Variants in NKAIN2 observed in about 807,000 individuals in gnomAD.
The protein encoded by NKAIN2 is sodium/potassium-transporting ATPase subunit beta-1-interacting protein 2.
NKAIN2 carries 14 observed loss-of-function variants against 32.6 expected under a neutral mutation model. The observed-to-expected ratio is 0.43, with a 90% CI of 0.28 to 0.67. The LOEUF is 0.67. Among genes scored for constraint, NKAIN2 ranks in the 30% least tolerant of loss-of-function variants. The pLI is 0.17. For missense variants in NKAIN2, 198 were observed against 258.3 expected, an observed-to-expected ratio of 0.77 and a Z score of 1.60; for synonymous variants, 80 against 87.2, an observed-to-expected ratio of 0.92 and a Z score of 0.46.
chr6:124,627,581 G>A (rs749711867), intron 3 of NKAIN2, among the ~76,000 whole-genome samples: 7 of 152,110 alleles, frequency 4.6e-5, no homozygotes, highest in Non-Finnish European at 1.0e-4. Flanking sequence ...TGTCTATGAA[G>A]TTGTCAACAG....
intron 1 of NKAIN2, among the ~76,000 whole-genome samples, chr6:123,971,204 C>T (rs1260020715): frequency 1.3e-5 from 2 of 151,968 alleles, no homozygotes; most frequent in Non-Finnish European, 2.9e-5. Context: ...TACTCAGGGC[C>T]AGGTGACAGT....
chr6:124,648,358 C>G (rs1268632736), intron 3 of NKAIN2, among the ~76,000 whole-genome samples: 1 of 152,144 alleles, frequency 6.6e-6, no homozygotes, highest in Non-Finnish European at 1.5e-5. Flanking sequence ...AAAGACATTC[C>G]TGAGTTGTAG....
intron 1 of NKAIN2, among the ~76,000 whole-genome samples, chr6:124,253,831 CTTTT>C (rs774924597): frequency 7.5e-6 from 1 of 134,140 alleles, no homozygotes; most frequent in Non-Finnish European, 1.6e-5. Flanking sequence ...CAATGTTCTA[CTTTT>C]TTTTTTTTTT....
In NKAIN2 at chr6:124,097,910, C is replaced by T. The variant is rs575275070; in HGVS notation, c.55-185095C>T. Among the ~76,000 whole-genome samples, 66 of 152,228 alleles carry T rather than the reference C, an allele frequency of 4.3e-4. No homozygotes were observed. The South Asian group carries it at 6.0e-3, about 14-fold the overall frequency. On this transcript the variant is annotated intron_variant, in intron 1 of 6. Coordinates refer to ENST00000368417, the MANE Select transcript of NKAIN2 (RefSeq NM_001040214.3). The stretch of plus-strand genomic sequence containing the variant: ...GAGTTTTCTGCAGAGCCAACATTTA[C>T]GCTGAAACCTGATATCTTGGATATT...
At position 123,916,077 on chromosome 6, in the gene NKAIN2, C is replaced by A. The variant is rs370889943; in HGVS notation, c.54+111823C>A. Among the ~76,000 whole-genome samples the A allele has an allele frequency of 5.3e-5, 8 of 152,174 alleles. No homozygotes were observed. In the East Asian group the frequency reaches 9.7e-4, roughly 18 times the overall value. On this transcript the variant is annotated intron_variant, in intron 1 of 6. Coordinates refer to ENST00000368417, the MANE Select transcript of NKAIN2 (RefSeq NM_001040214.3). Reference sequence around the variant, plus strand: ...GCAGAGAGTATGGATGATCTCTGAACACTTCTAGAAAATTTTACAACAGAG... The same window carrying A: ...GCAGAGAGTATGGATGATCTCTGAAAACTTCTAGAAAATTTTACAACAGAG...
intron 1 of NKAIN2, among the ~76,000 whole-genome samples, chr6:124,077,325 A>G (rs1435716294): frequency 6.6e-6 from 1 of 152,150 alleles, no homozygotes; most frequent in Non-Finnish European, 1.5e-5. Flanking sequence ...TATTTTTGTC[A>G]GTGTTTTTAC....
chr6:124,417,105 T>C (rs1327974257), intron 3 of NKAIN2, among the ~76,000 whole-genome samples: 1 of 152,112 alleles, frequency 6.6e-6, no homozygotes, highest in Non-Finnish European at 1.5e-5. Context: ...GACATCAAAA[T>C]GTATGAGAAA....
intron 3 of NKAIN2, among the ~76,000 whole-genome samples, chr6:124,539,171 T>G (rs568870392): frequency 6.7e-4 from 99 of 148,308 alleles, no homozygotes; most frequent in Middle Eastern, 3.6e-3. Context: ...ACTTTTTGTA[T>G]AATCAGAGAT....
intron 2 of NKAIN2, among the ~76,000 whole-genome samples, chr6:124,344,192 T>C (rs1172572522): frequency 1.3e-5 from 2 of 152,172 alleles, no homozygotes; most frequent in African/African-American, 4.8e-5. Context: ...TTGATCTATA[T>C]CTCTGTTTTG....
intron 3 of NKAIN2, among the ~76,000 whole-genome samples, chr6:124,622,008 C>T (rs923432095): frequency 1.7e-4 from 26 of 151,674 alleles, no homozygotes; most frequent in African/African-American, 6.0e-4. Context: ...TTTTCTGTGC[C>T]TGCTATAACA....
intron 1 of NKAIN2, among the ~76,000 whole-genome samples, chr6:124,038,015 G>A (rs907435942): frequency 3.3e-5 from 5 of 152,128 alleles, no homozygotes; most frequent in African/African-American, 1.2e-4. Flanking sequence ...GTTAAAGTAA[G>A]GGTCATATGA....
chr6:124,195,721 G>A (rs1790281996), intron 1 of NKAIN2, among the ~76,000 whole-genome samples: 1 of 152,010 alleles, frequency 6.6e-6, no homozygotes, highest in Non-Finnish European at 1.5e-5. Flanking sequence ...ATCTCAAAAA[G>A]CTGTGATGGA....
intron 3 of NKAIN2, among the ~76,000 whole-genome samples, chr6:124,611,060 G>A (rs893274456): frequency 4.1e-4 from 63 of 152,164 alleles, no homozygotes; most frequent in African/African-American, 1.4e-3. Context: ...ACACTTTTTT[G>A]TGTGTGCAGA....
chr6:124,276,293 AACACACAC>A (rs149321217), intron 1 of NKAIN2, among the ~76,000 whole-genome samples: 13 of 145,950 alleles, frequency 8.9e-5, no homozygotes, highest in African/African-American at 3.0e-4. Flanking sequence ...CCCCTTGGTG[AACACACAC>A]ACACACACAC....
chr6:124,607,092 G>A (rs1403974058), intron 3 of NKAIN2, among the ~76,000 whole-genome samples: 1 of 151,998 alleles, frequency 6.6e-6, no homozygotes, highest in Non-Finnish European at 1.5e-5. Flanking sequence ...AAATCTAGAA[G>A]GAGAAATAAA....
intron 1 of NKAIN2, among the ~76,000 whole-genome samples, chr6:123,991,077 C>A (rs1779390097): frequency 6.6e-6 from 1 of 152,048 alleles, no homozygotes; most frequent in African/African-American, 2.4e-5. Flanking sequence ...TTATATGTTT[C>A]AATTACTAAG....
At chr6:124,808,282 C>T (rs1177200605) in intron 5 of NKAIN2, among the ~76,000 whole-genome samples, 1 of 151,342 alleles carries the variant, frequency 6.6e-6, no homozygotes, top group Non-Finnish European at 1.5e-5. Context: ...AAAGCTTATC[C>T]ACCATGATCA....
intron 1 of NKAIN2, among the ~76,000 whole-genome samples, chr6:123,821,064 C>G (rs1562199741): frequency 1.3e-5 from 2 of 152,172 alleles, no homozygotes; most frequent in East Asian, 3.8e-4. Flanking sequence ...GATCAGGATT[C>G]ATTTGGGCTG....
intron 1 of NKAIN2, among the ~76,000 whole-genome samples, chr6:124,221,464 A>G (rs1230141103): frequency 6.6e-6 from 1 of 151,304 alleles, no homozygotes; most frequent in African/African-American, 2.4e-5. Context: ...CTAGATGACA[A>G]GTTAGTGGGT....
Sources: gnomAD v4.1 joint callset for allele counts (sites outside exome capture counted in the v4.1 genomes callset) on GRCh38, gnomAD v4.1.1 for gene constraint, MANE v1.5 for transcripts, NCBI Gene and HGNC (gene_info 2026-07-23, HGNC 2026-07-21) for gene names.